Variants in GALNT8 observed in about 807,000 individuals in gnomAD.
The protein encoded by GALNT8 is probable polypeptide N-acetylgalactosaminyltransferase 8.
In GALNT8, 66 loss-of-function variants were observed where a neutral mutation model predicts 62.7. The observed-to-expected ratio is 1.05, with a 90% CI of 0.86 to 1.29. The LOEUF is 1.29. GALNT8 is among the 50% of genes most tolerant of loss of function. The pLI is 0.00. For synonymous variants in GALNT8, 288 were observed against 294.3 expected (o/e 0.98, Z 0.22); for missense variants, 771 against 791.8 (o/e 0.97, Z 0.32).
At chr12:4,721,169 A>G (rs561930739) in intron 1 of GALNT8, among the ~76,000 whole-genome samples, 12 of 152,086 alleles carry the variant, frequency 7.9e-5, no homozygotes, top group Middle Eastern at 3.4e-3. Context: ...TTATATCTAC[A>G]TATGTGCAGG....
intron 10 of GALNT8, among the ~76,000 whole-genome samples, chr12:4,766,575 G>C (rs1032089821): frequency 6.6e-6 from 1 of 152,174 alleles, no homozygotes; most frequent in African/African-American, 2.4e-5. Flanking sequence ...CCAAGGACAG[G>C]GCGGAGGGAA....
At chr12:4,734,947 G>C (rs1446144014) in intron 2 of GALNT8, among the ~76,000 whole-genome samples, 1 of 152,224 alleles carries the variant, frequency 6.6e-6, no homozygotes, top group Non-Finnish European at 1.5e-5. Flanking sequence ...GAGCATTTTG[G>C]GTGAGGGCGA....
At chr12:4,769,879 A>G (rs951214557) in intron 10 of GALNT8, among the ~76,000 whole-genome samples, 1 of 152,076 alleles carries the variant, frequency 6.6e-6, no homozygotes, top group Non-Finnish European at 1.5e-5. Flanking sequence ...ATTTATTTTA[A>G]AGTATTTTAT....
At position 4,726,017 on chromosome 12, in the gene GALNT8, G is replaced by A. The variant is rs539785995; in HGVS notation, c.212-515G>A. On this transcript the variant is annotated intron_variant, in intron 1 of 10. Transcript: ENST00000252318. The surrounding 1 kb of genome is among the most constrained non-coding windows in gnomAD (Gnocchi z 4.1). The stretch of plus-strand genomic sequence containing the variant: ...TTTGCCTTTGTTAGGCACTAATGGT[G>A]TAGTAAGTGTTTCTTAAGTTTTACT... 2.0e-5 allele frequency among the ~76,000 whole-genome samples: 3 copies of A among 152,288 alleles called. No individual in the cohort carries two copies. Among genetic ancestry groups the A allele is most frequent in the Non-Finnish European group, 2.9e-5 (2 of 68,034 alleles).
chr12:4,740,803 A>G (rs1393766196), intron 3 of GALNT8, among the ~76,000 whole-genome samples: 1 of 151,618 alleles, frequency 6.6e-6, no homozygotes, highest in African/African-American at 2.4e-5. Flanking sequence ...GTGCAAAACT[A>G]AGGCATAGAC....
At position 4,720,899 on chromosome 12, in the gene GALNT8, A is replaced by G. The variant is rs1946164535; in HGVS notation, c.211+11A>G. ...AATTGCAGGATCTGAGTAAGTTTAC[A>G]ATGCTAACCTGGAAGGTGTGTGTGT... On this transcript the variant is annotated intron_variant, in intron 1 of 10. Coordinates refer to ENST00000252318, the MANE Select transcript of GALNT8 (RefSeq NM_017417.2). 3.3e-6 allele frequency: 5 copies of G among 1,500,914 alleles called. No homozygotes were observed. Among genetic ancestry groups the G allele is most frequent in the Non-Finnish European group, 4.6e-6 (5 of 1,077,306 alleles). 93.0% of individuals were successfully genotyped at this position (1,500,914 alleles called of 1,614,324 possible).
Position 4,764,047 on chromosome 12 carries a change from G to C in GALNT8, c.1593G>C (p.Gln531His). Residue 531 changes from glutamine to histidine, a missense_variant and splice_region_variant, in exon 9 of 11, where the codon CAG becomes CAC. Coordinates refer to ENST00000252318, the MANE Select transcript of GALNT8 (RefSeq NM_017417.2). The stretch of plus-strand genomic sequence containing the variant: ...ATTACTGCCATGAATTCAGCTCACA[G>C]GTATCTTCCACAATCTTCCTGGCCC... ...IMYYCHEFSS[Q>H]NVYYHLTGEL... 6.6e-7 allele frequency: 1 copy of C among 1,520,024 alleles called. No individual in the cohort carries two copies. Among genetic ancestry groups the C allele is most frequent in the Non-Finnish European group, 9.1e-7 (1 of 1,093,450 alleles). The allele number at this position is 1,520,024 out of a possible 1,614,324, so 94.2% of individuals were successfully genotyped here.
chr12:4,734,687 G>A (rs1299640252), intron 2 of GALNT8, among the ~76,000 whole-genome samples: 1 of 151,878 alleles, frequency 6.6e-6, no homozygotes, highest in Non-Finnish European at 1.5e-5. Context: ...TGTTAATTTG[G>A]TCATACCAAT....
At chr12:4,745,374 C>T in intron 4 of GALNT8, 55 bp from the exon 5 acceptor site, 2 of 1,059,170 alleles carry the variant, frequency 1.9e-6, no homozygotes, top group Admixed American at 1.9e-5. Flanking sequence ...TATCTGCTCT[C>T]CCCTACTGCT....
intron 2 of GALNT8, among the ~76,000 whole-genome samples, chr12:4,732,043 A>G (rs901743217): frequency 2.0e-5 from 3 of 152,174 alleles, no homozygotes; most frequent in East Asian, 1.9e-4. Context: ...GTTGCATACC[A>G]TAAAGCTGGC....
chr12:4,761,617 G>GAT (rs1946373155), intron 7 of GALNT8, among the ~76,000 whole-genome samples: 1 of 150,414 alleles, frequency 6.6e-6, no homozygotes. Context: ...TCTTTTTTAA[G>GAT]TTTTTTTTTT....
chr12:4,728,047 A>G (rs1946204313), intron 2 of GALNT8, among the ~76,000 whole-genome samples: 2 of 152,000 alleles, frequency 1.3e-5, no homozygotes, highest in Admixed American at 1.3e-4. Flanking sequence ...TTTCTTTTTA[A>G]CTATAGCCAT....
In GALNT8 at chr12:4,726,521, T is replaced by C; in HGVS notation, c.212-11T>C. The C allele has an allele frequency of 6.2e-7, 1 of 1,603,060 alleles. No homozygotes were observed. The highest frequency in any genetic ancestry group is 8.5e-7 in the Non-Finnish European group (1 of 1,172,436). On this transcript the variant is annotated splice_polypyrimidine_tract_variant and intron_variant, in intron 1 of 10. Coordinates refer to ENST00000252318, the MANE Select transcript of GALNT8 (RefSeq NM_017417.2). This position sits in a 1 kb window ranked among gnomAD's most constrained non-coding sequence, Gnocchi z 4.1. The stretch of plus-strand genomic sequence containing the variant: ...TGTTTTCTCTCCCACCCCTGTCCTC[T>C]TCATTTGCAGAAGAAAGTATGAAAT...
chr12:4,746,246 G>A lies in GALNT8; in HGVS notation c.1161G>A (p.Glu387=). The change falls in exon 6 of 11, where the codon GAG becomes GAA. Residue 387 remains glutamate (E), a synonymous_variant. Transcript: ENST00000252318. ...TCATCTATGGAGGAGAGAACGTGGA[G>A]CTTAGCCTGAGGGTGGGTACATTTC... The part of the protein sequence containing the change: ...GMLIYGGENV[E]LSLRVWQCGG... The A allele has an allele frequency of 1.9e-6, 3 of 1,590,822 alleles. No individual in the cohort carries two copies. Among genetic ancestry groups the A allele is most frequent in the Non-Finnish European group, 2.6e-6 (3 of 1,158,850 alleles).
chr12:4,764,530 A>ATTTT lies in GALNT8; in HGVS notation c.1593+511_1593+514dup, dbSNP rs58809573. 5.3e-3 allele frequency among the ~76,000 whole-genome samples: 537 copies of ATTTT among 102,116 alleles called. 27 individuals are homozygous for ATTTT. The highest frequency in any genetic ancestry group is 7.0e-3 in the Non-Finnish European group (360 of 51,784). The allele number at this position is 102,116 out of a possible 152,430, so 67.0% of individuals were successfully genotyped here. A position where few individuals can be genotyped will look rare whatever the true frequency, so the allele number is the denominator to read the frequency against. On this transcript the variant is annotated intron_variant, in intron 9 of 10. Coordinates refer to ENST00000252318, the MANE Select transcript of GALNT8 (RefSeq NM_017417.2). ...ACCATGTGGAAGGTGCAGTCAGGGG[A>ATTTT]TTTTTTTTTTTTTTTTTTTTTTTTT...
At chr12:4,741,812 G>C (rs1264543234) in intron 3 of GALNT8, among the ~76,000 whole-genome samples, 1 of 152,186 alleles carries the variant, frequency 6.6e-6, no homozygotes, top group East Asian at 1.9e-4. Context: ...GTTTTTCACA[G>C]AGATGATTTG....
chr12:4,740,424 CTT>C (rs778919612), intron 3 of GALNT8, among the ~76,000 whole-genome samples: 6 of 141,870 alleles, frequency 4.2e-5, no homozygotes, highest in Non-Finnish European at 6.2e-5. Flanking sequence ...CGTGTGTTAA[CTT>C]TTTTTTTTTT....
rs181676662 is a variant in GALNT8 at position 4,761,545 on chromosome 12, G to C, written c.1359+402G>C. Among the ~76,000 whole-genome samples, 491 of 152,246 alleles carry C rather than the reference G, an allele frequency of 3.2e-3. 15 individuals carry two copies. The highest frequency in any genetic ancestry group is 0.026 in the Admixed American group (405 of 15,304). On this transcript the variant is annotated intron_variant, in intron 7 of 10. Transcript: ENST00000252318. ...TGAGAGATATAAACATAGCAGGTAT[G>C]ATGTGGGGTGGTAGGAGAAGGCACT...
At chr12:4,750,536 G>A (rs2137535101) in intron 6 of GALNT8, among the ~76,000 whole-genome samples, 1 of 152,180 alleles carries the variant, frequency 6.6e-6, no homozygotes, top group South Asian at 2.1e-4. Flanking sequence ...ATTTTTTATG[G>A]CTGCACGGTA....
Sources: allele counts gnomAD v4.1 joint callset (sites outside exome capture counted in the v4.1 genomes callset), GRCh38; gene constraint gnomAD v4.1.1; non-coding constraint Gnocchi (gnomAD v3.1); transcripts MANE v1.5; gene names NCBI Gene and HGNC (gene_info 2026-07-23, HGNC 2026-07-21).